ANKS1B: variants seen among roughly 807,000 people sequenced by gnomAD.
ANKS1B encodes the protein ankyrin repeat and sterile alpha motif domain containing 1B.
ANKS1B carries 36 observed loss-of-function variants against 148.3 expected under a neutral mutation model. The observed-to-expected ratio is 0.24, with a 90% CI of 0.19 to 0.32. The LOEUF is 0.32. Among genes scored for constraint, ANKS1B ranks in the 10% least tolerant of loss-of-function variants. The pLI, the probability that ANKS1B is intolerant of heterozygous loss-of-function variation, is 1.00. For missense variants in ANKS1B, 1,157 were observed against 1,542.6 expected, an observed-to-expected ratio of 0.75 and a Z score of 4.19; for synonymous variants, 542 against 560.8, an observed-to-expected ratio of 0.97 and a Z score of 0.47.
At chr12:99,248,917 G>T (rs1041219812) in intron 12 of ANKS1B, among the ~76,000 whole-genome samples, 6 of 152,196 alleles carry the variant, frequency 3.9e-5, no homozygotes, top group Non-Finnish European at 5.9e-5. Context: ...ACTGTATCTG[G>T]AATTTGGGAA....
chr12:99,099,454 G>C lies in ANKS1B; in HGVS notation c.2527-14431C>G, dbSNP rs977190582. ...GGAGAGTGTTGGGGGCCTGGCAGTG[G>C]GGCACCTGTGCCCTGCATAGGAGGC... On this transcript the variant is annotated intron_variant, in intron 15 of 26. Coordinates refer to ENST00000683438, the MANE Select transcript of ANKS1B (RefSeq NM_001352186.2). 3.3e-5 allele frequency among the ~76,000 whole-genome samples: 5 copies of C among 152,182 alleles called. No individual in the cohort carries two copies. The East Asian group carries it at 9.6e-4, about 29-fold the overall frequency.
intron 11 of ANKS1B, among the ~76,000 whole-genome samples, chr12:99,400,066 T>C (rs1162392262): frequency 6.6e-6 from 1 of 152,280 alleles, no homozygotes; most frequent in East Asian, 1.9e-4. Flanking sequence ...CCCCAGAAGA[T>C]TGTAAAAATA....
chr12:99,399,298 G>T (rs912594355), intron 12 of ANKS1B, among the ~76,000 whole-genome samples: 1 of 152,136 alleles, frequency 6.6e-6, no homozygotes, highest in African/African-American at 2.4e-5. Context: ...CGGCTTCAAA[G>T]CATCTCTTAA....
intron 9 of ANKS1B, among the ~76,000 whole-genome samples, chr12:99,567,233 A>G (rs2097404501): frequency 1.3e-5 from 2 of 152,138 alleles, no homozygotes. Flanking sequence ...GCAGTTTACA[A>G]AATGATTCTT....
At chr12:99,780,529 A>T (rs1206112903) in intron 5 of ANKS1B, among the ~76,000 whole-genome samples, 1 of 151,602 alleles carries the variant, frequency 6.6e-6, no homozygotes, top group Non-Finnish European at 1.5e-5. Flanking sequence ...TGATCTGCCC[A>T]CCTTGGCCTC....
intron 14 of ANKS1B, among the ~76,000 whole-genome samples, chr12:99,170,967 T>C (rs2077692787): frequency 6.6e-6 from 1 of 152,216 alleles, no homozygotes; most frequent in Non-Finnish European, 1.5e-5. Context: ...TTGAAGGTAC[T>C]GGTTTAAAAA....
intron 8 of ANKS1B, among the ~76,000 whole-genome samples, chr12:99,669,452 G>A (rs976072708): frequency 1.3e-5 from 2 of 151,722 alleles, no homozygotes; most frequent in African/African-American, 4.8e-5. Context: ...TTTTTAGGTG[G>A]GTCTACAGTA....
intron 8 of ANKS1B, among the ~76,000 whole-genome samples, chr12:99,768,554 G>C (rs768415815): frequency 1.3e-5 from 2 of 152,058 alleles, no homozygotes; most frequent in Non-Finnish European, 2.9e-5. Context: ...AGGGCTGGGC[G>C]CAGTGGCTCA....
chr12:99,538,924 G>C (rs1199991206), intron 9 of ANKS1B, among the ~76,000 whole-genome samples: 1 of 152,096 alleles, frequency 6.6e-6, no homozygotes, highest in African/African-American at 2.4e-5. Flanking sequence ...TCTATTCTCA[G>C]TTTTTGAGGG....
chr12:99,277,277 C>T (rs1359127188), intron 12 of ANKS1B, among the ~76,000 whole-genome samples: 2 of 152,092 alleles, frequency 1.3e-5, no homozygotes, highest in African/African-American at 4.8e-5. Flanking sequence ...CCACTGAGTA[C>T]CCAATGAAAG....
chr12:99,216,756 G>A (rs977412529), intron 14 of ANKS1B, among the ~76,000 whole-genome samples: 1 of 152,194 alleles, frequency 6.6e-6, no homozygotes, highest in African/African-American at 2.4e-5. Flanking sequence ...ATGCCTTCCA[G>A]GATTTCATAA....
At chr12:99,019,805 C>A (rs2153434222) in intron 17 of ANKS1B, among the ~76,000 whole-genome samples, 1 of 152,218 alleles carries the variant, frequency 6.6e-6, no homozygotes, top group Middle Eastern at 3.4e-3. Flanking sequence ...CTAAAGCATT[C>A]AAATGACCAC....
In ANKS1B at chr12:98,910,142, C is replaced by T. The variant is rs1184595138; in HGVS notation, c.2779-78006G>A. Among the ~76,000 whole-genome samples the T allele has an allele frequency of 3.3e-5, 5 of 152,232 alleles. No individual in the cohort carries two copies. In the East Asian group the frequency reaches 9.6e-4, roughly 29 times the overall value. ...AACCACAAAGAAAAGTATTAGAATT[C>T]AAAAGGAGGGAAGCTAAAAGGAAAT... On this transcript the variant is annotated intron_variant, in intron 17 of 26. Transcript: ENST00000683438.
chr12:99,284,688 T>G (rs1005410105), intron 12 of ANKS1B, among the ~76,000 whole-genome samples: 142 of 152,302 alleles, frequency 9.3e-4, no homozygotes, highest in African/African-American at 3.2e-3. Flanking sequence ...GCACTTGGAA[T>G]AATCCGACTA....
chr12:99,785,824 A>G (rs2064960052), intron 4 of ANKS1B, among the ~76,000 whole-genome samples: 1 of 152,220 alleles, frequency 6.6e-6, no homozygotes, highest in African/African-American at 2.4e-5. Context: ...CTGAATATCA[A>G]TGTGATCTGA....
At chr12:99,154,129 C>T (rs144800238) in intron 15 of ANKS1B, among the ~76,000 whole-genome samples, 160 bp downstream of exon 15, 13 of 152,182 alleles carry the variant, frequency 8.5e-5, no homozygotes, top group Non-Finnish European at 1.8e-4. Flanking sequence ...TCTATATGTA[C>T]ACAGCAAGTT....
intron 17 of ANKS1B, among the ~76,000 whole-genome samples, chr12:98,942,985 T>G (rs2099839444): frequency 6.6e-6 from 1 of 152,148 alleles, no homozygotes; most frequent in Non-Finnish European, 1.5e-5. Context: ...AATTTCAGTC[T>G]TAAAAAATAG....
chr12:99,251,009 A>C (rs2074516115), intron 12 of ANKS1B, among the ~76,000 whole-genome samples: 1 of 152,112 alleles, frequency 6.6e-6, no homozygotes, highest in Admixed American at 6.5e-5. Flanking sequence ...CATAGAGGGC[A>C]CCATCTTGCC....
chr12:99,181,203 G>A (rs1283373088), intron 14 of ANKS1B, among the ~76,000 whole-genome samples: 1 of 151,396 alleles, frequency 6.6e-6, no homozygotes, highest in East Asian at 1.9e-4. Flanking sequence ...TTATAGGGAT[G>A]TTAACCATGA....
Sources: allele counts gnomAD v4.1 joint callset (sites outside exome capture counted in the v4.1 genomes callset), GRCh38; gene constraint gnomAD v4.1.1; transcripts MANE v1.5; gene names NCBI Gene and HGNC (gene_info 2026-07-23, HGNC 2026-07-21).